The following MS4A3 variants were observed in gnomAD, a reference collection of about 807,000 sequenced individuals.
The protein encoded by MS4A3 is membrane spanning 4-domains A3.
In MS4A3, 18 loss-of-function variants were observed where a neutral mutation model predicts 24.7. The observed-to-expected ratio is 0.73, with a 90% CI of 0.50 to 1.08. The LOEUF (loss-of-function observed/expected upper bound fraction) is 1.08. Among genes scored for constraint, MS4A3 ranks in the 50% least tolerant of loss-of-function variants. The pLI, the probability that MS4A3 is intolerant of heterozygous loss-of-function variation, is 0.00. For synonymous variants in MS4A3, 84 were observed against 95.3 expected (o/e 0.88, Z 0.69); for missense variants, 282 against 251.7 (o/e 1.12, Z -0.82).
chr11:60,069,798 T>C (rs960460125), intron 6 of MS4A3, 123 bp downstream of exon 6: 7 of 780,646 alleles, frequency 9.0e-6, no homozygotes, highest in Non-Finnish European at 1.5e-5. Context: ...TTCCTGGAAT[T>C]AGAGATTGTA....
At chr11:60,059,342 T>C (rs940761065) in intron 1 of MS4A3, among the ~76,000 whole-genome samples, 9 of 152,144 alleles carry the variant, frequency 5.9e-5, no homozygotes, top group Non-Finnish European at 1.0e-4. Flanking sequence ...AAAATGGATC[T>C]AGTATATAAT....
At chr11:60,069,703 C>A in intron 6 of MS4A3, 28 bp downstream of exon 6, 2 of 1,517,026 alleles carry the variant, frequency 1.3e-6, no homozygotes, top group South Asian at 1.1e-5. Context: ...ATTAATCATT[C>A]ACATGATCTC....
intron 5 of MS4A3, among the ~76,000 whole-genome samples, chr11:60,068,070 AAAT>A (rs1855400962): frequency 6.7e-6 from 1 of 149,576 alleles, no homozygotes; most frequent in Non-Finnish European, 1.5e-5. Context: ...AAAAATAAAA[AAAT>A]AAAGTTTCAT....
intron 2 of MS4A3, chr11:60,061,562 C>A: frequency 3.7e-6 from 2 of 545,392 alleles, no homozygotes; most frequent in Non-Finnish European, 3.4e-6. Flanking sequence ...ATAGTAAATA[C>A]ATTTTCTCTT....
At chr11:60,069,394 T>C (rs765904294) in intron 5 of MS4A3, 180 bp from the exon 6 acceptor site, 244 of 466,200 alleles carry the variant, frequency 5.2e-4, no homozygotes, top group Non-Finnish European at 8.1e-4. Context: ...AATGTTTTCA[T>C]GCTTTTAGAT....
chr11:60,070,311 C>A lies in MS4A3; in HGVS notation c.*78C>A. The A allele has an allele frequency of 1.7e-6, 2 of 1,189,290 alleles. No individual in the cohort carries two copies. The highest frequency in any genetic ancestry group is 2.5e-6 in the Non-Finnish European group (2 of 802,150). The allele number at this position is 1,189,290 out of a possible 1,614,324, so 73.7% of individuals were successfully genotyped here. The stretch of plus-strand genomic sequence containing the variant: ...AGTGACTCAGAGCTTCACCCACAAA[C>A]TCAGGAGAACATAAGCCTGCTCGTA... On this transcript the variant is annotated 3_prime_UTR_variant, in exon 7 of 7. Transcript: ENST00000278865.
At position 60,058,932 on chromosome 11, in the gene MS4A3, T is replaced by C. The variant is rs1855221625; in HGVS notation, c.-16+2192T>C. Among the ~76,000 whole-genome samples the C allele has an allele frequency of 2.0e-5, 3 of 152,218 alleles. No individual in the cohort carries two copies. The South Asian group carries it at 6.2e-4, about 32-fold the overall frequency. ...ACATAGAGTTTGCTTTAAGCTTTAT[T>C]GATCTTCCCTCGCTCTTGGGTTCTG... On this transcript the variant is annotated intron_variant, in intron 1 of 6. Transcript: ENST00000278865.
intron 4 of MS4A3, among the ~76,000 whole-genome samples, chr11:60,065,882 G>T (rs555014277): frequency 6.6e-6 from 1 of 152,138 alleles, no homozygotes; most frequent in Non-Finnish European, 1.5e-5. Flanking sequence ...CAATCTATAC[G>T]TACTTCTTCT....
At chr11:60,065,098 G>A (rs12805696) in intron 4 of MS4A3, among the ~76,000 whole-genome samples, 1 of 151,934 alleles carries the variant, frequency 6.6e-6, no homozygotes, top group Non-Finnish European at 1.5e-5. Context: ...GAGTGCAGTG[G>A]TGTGGTCACA....
chr11:60,060,097 A>G (rs775252368), intron 1 of MS4A3, among the ~76,000 whole-genome samples: 2 of 152,174 alleles, frequency 1.3e-5, no homozygotes, highest in African/African-American at 2.4e-5. Context: ...TTAGTGATAC[A>G]TATTTTTCAG....
chr11:60,061,291 A>G lies in MS4A3; in HGVS notation c.131A>G (p.Gln44Arg), dbSNP rs778658243. Reference sequence around the variant, plus strand: ...CCCATAGATGGATCACCAGATTATCAGAAAGCAAAATTACAAGTTCTTGGG... The same window carrying G: ...CCCATAGATGGATCACCAGATTATCGGAAAGCAAAATTACAAGTTCTTGGG... ...YQPIDGSPDY[Q>R]KAKLQVLGAI... is the part of the protein sequence containing the mutation. Residue 44 changes from glutamine (Q) to arginine (R), a missense_variant, in exon 2 of 7, where the codon CAG (glutamine) becomes CGG (arginine). Coordinates refer to ENST00000278865, the MANE Select transcript of MS4A3 (RefSeq NM_006138.5). 1.2e-6 allele frequency: 2 copies of G among 1,610,724 alleles called. No individual in the cohort carries two copies. Among genetic ancestry groups the G allele is most frequent in the Non-Finnish European group, 1.7e-6 (2 of 1,179,150 alleles).
chr11:60,066,308 C>T (rs1228052581), intron 4 of MS4A3, among the ~76,000 whole-genome samples: 2 of 152,114 alleles, frequency 1.3e-5, no homozygotes, highest in African/African-American at 4.8e-5. Context: ...AACAGTGATC[C>T]CTTGAAACCA....
chr11:60,058,773 A>G (rs572650659), intron 1 of MS4A3, among the ~76,000 whole-genome samples: 2 of 152,264 alleles, frequency 1.3e-5, no homozygotes, highest in African/African-American at 2.4e-5. Flanking sequence ...CATTCTCCGT[A>G]TTGCATGCAT....
chr11:60,066,933 AT>A lies in MS4A3; in HGVS notation c.352-16del. ...TACGTGCTGCATATATTAATTGAAA[AT>A]TCTTATTCTTTTTTAGATACAGAAC... is the stretch of plus-strand genomic sequence containing the variant. On this transcript the variant is annotated splice_polypyrimidine_tract_variant and intron_variant, in intron 4 of 6. Transcript: ENST00000278865. 1 of 1,563,058 alleles carries A rather than the reference AT, an allele frequency of 6.4e-7. No homozygotes were observed. Among genetic ancestry groups the A allele is most frequent in the Non-Finnish European group, 8.6e-7 (1 of 1,161,376 alleles).
In MS4A3 at chr11:60,061,191, C is replaced by A; in HGVS notation, c.31C>A (p.Leu11Met). The change falls in exon 2 of 7, where the codon CTG (leucine) becomes ATG (methionine). Residue 11 changes from leucine to methionine, a missense_variant. By Grantham distance (15) the Leu-to-Met change is conservative. Transcript: ENST00000278865. ...CTCCCACGAAGTTGATAATGCAGAG[C>A]TGGGGTCAGCCTCTGCCCATGGTAC... MASHEVDNAE[L>M]GSASAHGTPG... The A allele has an allele frequency of 2.5e-6, 4 of 1,607,916 alleles. No individual in the cohort carries two copies. In the South Asian group the frequency reaches 4.4e-5, roughly 18 times the overall value.
rs199968624 is a variant in MS4A3, at chr11:60,061,153, C to T, written c.-8C>T. On this transcript the variant is annotated 5_prime_UTR_variant, in exon 2 of 7. Coordinates refer to ENST00000278865, the MANE Select transcript of MS4A3 (RefSeq NM_006138.5). ...ATTTCTTTTCTATCACAGCCATAAA[C>T]AACCCCAATGGCCTCCCACGAAGTT... is the stretch of plus-strand genomic sequence containing the variant. The T allele has an allele frequency of 1.5e-5, 23 of 1,565,164 alleles. No individual in the cohort carries two copies. In the African/African-American group the frequency reaches 2.8e-4, roughly 19 times the overall value.
intron 3 of MS4A3, 85 bp from the exon 4 acceptor site, chr11:60,064,177 A>G (rs1855322018): frequency 1.1e-6 from 1 of 937,254 alleles, no homozygotes; most frequent in South Asian, 1.8e-5. Context: ...CTATTGCTGG[A>G]TATCTGCTAA....
chr11:60,064,198 A>G, intron 3 of MS4A3, 64 bp from the exon 4 acceptor site: 2 of 1,269,658 alleles, frequency 1.6e-6, no homozygotes, highest in Non-Finnish European at 2.2e-6. Flanking sequence ...TTGAGGGAGG[A>G]CCAAGAAGAA....
chr11:60,069,460 C>T, intron 5 of MS4A3, 114 bp from the exon 6 acceptor site: 1 of 685,474 alleles, frequency 1.5e-6, no homozygotes, highest in Non-Finnish European at 2.6e-6. Flanking sequence ...ATTTATGGTT[C>T]ACTTTGTTCC....
Sources: allele counts gnomAD v4.1 joint callset (sites outside exome capture counted in the v4.1 genomes callset), GRCh38; gene constraint gnomAD v4.1.1; transcripts MANE v1.5; gene names NCBI Gene and HGNC (gene_info 2026-07-23, HGNC 2026-07-21).